KPNA5: variants seen among roughly 807,000 people sequenced by gnomAD.
KPNA5 encodes the protein karyopherin subunit alpha 5, also known as importin subunit alpha-6.
In KPNA5, 46 loss-of-function variants were observed where a neutral mutation model predicts 71.3. That is an observed-to-expected ratio of 0.65 (90% CI 0.51 to 0.83). The LOEUF (loss-of-function observed/expected upper bound fraction) is 0.83, where lower values mean the gene tolerates loss of function less well. Ranked by LOEUF, KPNA5 falls within the 40% of genes least tolerant of loss-of-function variation. The pLI is 0.00. For missense variants in KPNA5, 547 were observed against 628.3 expected, an observed-to-expected ratio of 0.87 and a Z score of 1.38; for synonymous variants, 207 against 201.4, an observed-to-expected ratio of 1.03 and a Z score of -0.24.
chr6:116,693,956 G>A (rs111702005), intron 4 of KPNA5, among the ~76,000 whole-genome samples: 2 of 151,944 alleles, frequency 1.3e-5, no homozygotes, highest in Non-Finnish European at 2.9e-5. Context: ...TCTACATATG[G>A]CTAGCCAGTT....
chr6:116,719,329 T>C (rs9489025), intron 8 of KPNA5, among the ~76,000 whole-genome samples: 42,424 of 152,046 alleles, frequency 0.28, 6,669 homozygotes, highest in African/African-American at 0.43. Flanking sequence ...ATCTGGTGAT[T>C]TTTGAACAAA....
intron 1 of KPNA5, among the ~76,000 whole-genome samples, chr6:116,685,785 C>A (rs777586706): frequency 6.6e-6 from 1 of 152,134 alleles, no homozygotes; most frequent in Non-Finnish European, 1.5e-5. Context: ...TGATTTATAT[C>A]CCTCTGGATA....
rs1191128344 is a variant in KPNA5 at position 116,711,255 on chromosome 6, A to G, written c.657-4964A>G. Among the ~76,000 whole-genome samples the G allele has an allele frequency of 1.4e-4, 19 of 134,008 alleles. 1 individual carries two copies. The highest frequency in any genetic ancestry group is 1.4e-3 in the Admixed American group (19 of 13,846). The allele number at this position is 134,008 out of a possible 152,430, so 87.9% of individuals were successfully genotyped here. A position where few individuals can be genotyped will look rare whatever the true frequency, so the allele number is the denominator to read the frequency against. On this transcript the variant is annotated intron_variant, in intron 7 of 13. Transcript: ENST00000368564. ...TCTAGATAAAGGCTTGTTTTTGTTGATTTTTTTTTTTTTTTGGGTCAAAGA... is the reference window on the plus strand; with the variant it reads ...TCTAGATAAAGGCTTGTTTTTGTTGGTTTTTTTTTTTTTTTGGGTCAAAGA...
rs376042384 is a variant in KPNA5 at position 116,716,235 on chromosome 6, A to G, written c.673A>G (p.Asn225Asp). 4.3e-6 allele frequency: 7 copies of G among 1,612,358 alleles called. No homozygotes were observed. The highest frequency in any genetic ancestry group is 2.2e-5 in the South Asian group (2 of 90,222). ...PPLLELLTNS[N>D]RLTTTRNAVW... is the part of the protein sequence containing the mutation. ...TCTTGGCAGGTTATTAACAAATTCA[A>G]ACAGACTCACAACAACAAGAAATGC... The change falls in exon 8 of 14, where the codon AAC becomes GAC. Residue 225 changes from asparagine to aspartate, a missense_variant. Coordinates refer to ENST00000368564, the MANE Select transcript of KPNA5 (RefSeq NM_001366306.2).
intron 4 of KPNA5, among the ~76,000 whole-genome samples, chr6:116,694,474 T>A (rs1351618697): frequency 6.6e-6 from 1 of 152,160 alleles, no homozygotes; most frequent in Non-Finnish European, 1.5e-5. Context: ...GTTGGATTCC[T>A]AGGTATTTTA....
chr6:116,721,050 G>T (rs1779085891), intron 8 of KPNA5, among the ~76,000 whole-genome samples: 1 of 151,978 alleles, frequency 6.6e-6, no homozygotes, highest in African/African-American at 2.4e-5. Flanking sequence ...TATATATTCT[G>T]ATAATCTTGA....
rs1779544353 is a variant in KPNA5 at position 116,732,777 on chromosome 6, A to G, written c.*454A>G. ...CTATCTTGAAGCAGAAATAAAAACA[A>G]AAAAGCTTCAGAAGCATGAAATAAT... On this transcript the variant is annotated 3_prime_UTR_variant, in exon 14 of 14. Transcript: ENST00000368564. 6.6e-6 allele frequency: 1 copy of G among 152,052 alleles called. No homozygotes were observed. Among genetic ancestry groups the G allele is most frequent in the South Asian group, 2.1e-4 (1 of 4,840 alleles). 9.4% of individuals were successfully genotyped at this position (152,052 alleles called of 1,614,324 possible).
intron 1 of KPNA5, 183 bp downstream of exon 1, chr6:116,681,521 C>G (rs1583392014): frequency 7.4e-7 from 1 of 1,354,490 alleles, no homozygotes; most frequent in Middle Eastern, 2.3e-4. Context: ...GGCGTGGCAG[C>G]CGGACCTTTC....
chr6:116,729,794 A>T, intron 13 of KPNA5, 53 bp downstream of exon 13: 2 of 1,148,892 alleles, frequency 1.7e-6, no homozygotes, highest in South Asian at 6.3e-5. Context: ...TATCTGTCAT[A>T]CTTTCCCCTT....
intron 11 of KPNA5, 21 bp downstream of exon 11, chr6:116,725,897 A>T: frequency 6.2e-7 from 1 of 1,604,948 alleles, no homozygotes; most frequent in Non-Finnish European, 8.5e-7. Context: ...TTCAGATCTG[A>T]GAGTAGAACA....
rs1036090075 is a variant in KPNA5 at position 116,681,230 on chromosome 6, G to A, written c.-105G>A. On this transcript the variant is annotated 5_prime_UTR_variant, in exon 1 of 14. Coordinates refer to ENST00000368564, the MANE Select transcript of KPNA5 (RefSeq NM_001366306.2). ...GCCGCCATCTTGGATTGCGAACTGGGTCGCTACGCTTCACGCCAGGGGCGG... is the reference window on the plus strand; with the variant it reads ...GCCGCCATCTTGGATTGCGAACTGGATCGCTACGCTTCACGCCAGGGGCGG... 21 of 1,509,338 alleles carry A rather than the reference G, an allele frequency of 1.4e-5. No individual in the cohort carries two copies. In the African/African-American group the frequency reaches 2.5e-4, roughly 18 times the overall value. 93.5% of individuals were successfully genotyped at this position (1,509,338 alleles called of 1,614,324 possible). A position where few individuals can be genotyped will look rare whatever the true frequency, so the allele number is the denominator to read the frequency against.
chr6:116,687,650 T>A (rs1303196458), intron 1 of KPNA5, among the ~76,000 whole-genome samples: 1 of 152,240 alleles, frequency 6.6e-6, no homozygotes, highest in African/African-American at 2.4e-5. Context: ...CTCTGTCTTA[T>A]GTTATCTTGC....
In KPNA5 at chr6:116,705,163, A is replaced by G; in HGVS notation, c.656+3A>G. On this transcript the variant is annotated splice_donor_region_variant and intron_variant, in intron 7 of 13. Transcript: ENST00000368564. ...GAAATACTTCCACCTCTTTTAGAGTAAGTACTTTATCACAATTAAGTATAT... is the reference window on the plus strand; with the variant it reads ...GAAATACTTCCACCTCTTTTAGAGTGAGTACTTTATCACAATTAAGTATAT... 1 of 1,592,118 alleles carries G rather than the reference A, an allele frequency of 6.3e-7. No homozygotes were observed. The highest frequency in any genetic ancestry group is 8.6e-7 in the Non-Finnish European group (1 of 1,162,264).
At chr6:116,683,126 C>T (rs945357939) in intron 1 of KPNA5, among the ~76,000 whole-genome samples, 1 of 152,168 alleles carries the variant, frequency 6.6e-6, no homozygotes, top group Non-Finnish European at 1.5e-5. Context: ...GTGATCCAGT[C>T]AGATGTGGTA....
intron 7 of KPNA5, among the ~76,000 whole-genome samples, chr6:116,710,403 T>G (rs537000988): frequency 6.6e-6 from 1 of 151,942 alleles, no homozygotes; most frequent in East Asian, 1.9e-4. Flanking sequence ...AAAAAAAAAA[T>G]TTTGCGGCTA....
At chr6:116,730,881 G>T in intron 13 of KPNA5, among the ~76,000 whole-genome samples, 1 of 150,312 alleles carries the variant, frequency 6.7e-6, no homozygotes. Flanking sequence ...GTAAAAATTT[G>T]AATTTTATTT....
intron 7 of KPNA5, among the ~76,000 whole-genome samples, chr6:116,712,842 A>AT (rs1025405602): frequency 6.6e-6 from 1 of 151,424 alleles, no homozygotes; most frequent in Non-Finnish European, 1.5e-5. Flanking sequence ...TTCCTTTCCT[A>AT]TTTTTTTAAA....
At chr6:116,732,082 A>T (rs1305439635) in intron 13 of KPNA5, 54 bp from the exon 14 acceptor site, 1 of 32,788 alleles carries the variant, frequency 3.0e-5, no homozygotes, top group African/African-American at 1.5e-4. Context: ...GTTTATATAT[A>T]TATATATATA....
rs2243369 is a variant in KPNA5, at chr6:116,732,074, TTATATATA to T, written c.1433-21_1433-14del. 282 of 67,690 alleles carry T rather than the reference TTATATATA, an allele frequency of 4.2e-3. 3 individuals are homozygous for T. The highest frequency in any genetic ancestry group is 7.4e-3 in the African/African-American group (114 of 15,486). 4.2% of individuals were successfully genotyped at this position (67,690 alleles called of 1,614,324 possible). ...TACTGAAATTGTAGTAACAGTTTGT[TTATATATA>T]TATATATATATATATATATATATAT... On this transcript the variant is annotated intron_variant, in intron 13 of 13. Transcript: ENST00000368564.
Sources: allele counts gnomAD v4.1 joint callset (sites outside exome capture counted in the v4.1 genomes callset), GRCh38; gene constraint gnomAD v4.1.1; transcripts MANE v1.5; gene names NCBI Gene and HGNC (gene_info 2026-07-23, HGNC 2026-07-21).